The following ADAMTS18 variants were observed in gnomAD, a reference collection of about 807,000 sequenced individuals.
ADAMTS18 encodes the protein ADAM metallopeptidase with thrombospondin type 1 motif 18, also known as A disintegrin and metalloproteinase with thrombospondin motifs 18.
A neutral mutation model predicts 165.9 loss-of-function variants in ADAMTS18; 157 were observed. That is an observed-to-expected ratio of 0.95 (90% CI 0.83 to 1.08). The LOEUF is 1.08. ADAMTS18 is among the 50% of genes least tolerant of loss of function. The pLI, the probability that ADAMTS18 is intolerant of heterozygous loss-of-function variation, is 0.00. For missense variants in ADAMTS18, 2,040 were observed against 1,534.0 expected, an observed-to-expected ratio of 1.33 and a Z score of -5.51; for synonymous variants, 782 against 578.2, an observed-to-expected ratio of 1.35 and a Z score of -5.06.
intron 3 of ADAMTS18, among the ~76,000 whole-genome samples, chr16:77,381,591 C>T (rs1336924580): frequency 5.9e-5 from 9 of 152,094 alleles, no homozygotes. Context: ...ATCACGAGGT[C>T]AGAAGTTCGA....
At chr16:77,325,727 A>C in intron 13 of ADAMTS18, 139 bp downstream of exon 13, 1 of 867,926 alleles carries the variant, frequency 1.2e-6, no homozygotes, top group Non-Finnish European at 1.7e-6. Context: ...CATGGAATGA[A>C]ACACTGAGCC....
At chr16:77,388,194 G>T (rs1032611813) in intron 3 of ADAMTS18, among the ~76,000 whole-genome samples, 1 of 152,284 alleles carries the variant, frequency 6.6e-6, no homozygotes, top group East Asian at 1.9e-4. Context: ...CCGCCTCCTG[G>T]GTTCAAGTGA....
At chr16:77,399,113 G>C (rs1211068082) in intron 3 of ADAMTS18, among the ~76,000 whole-genome samples, 1 of 152,186 alleles carries the variant, frequency 6.6e-6, no homozygotes, top group Non-Finnish European at 1.5e-5. Context: ...GATTCAGCTA[G>C]AAGCTAGACC....
At chr16:77,355,819 G>A in intron 9 of ADAMTS18, 121 bp downstream of exon 9, 1 of 1,177,732 alleles carries the variant, frequency 8.5e-7, no homozygotes, top group Non-Finnish European at 1.3e-6. Context: ...ATCATCATTT[G>A]TCTTTCTGTT....
intron 16 of ADAMTS18, among the ~76,000 whole-genome samples, chr16:77,317,102 A>C (rs2055900573): frequency 6.6e-6 from 1 of 152,130 alleles, no homozygotes; most frequent in African/African-American, 2.4e-5. Flanking sequence ...TAATTCAAAA[A>C]GTCTGTTTTT....
At chr16:77,415,603 C>A (rs2057520058) in intron 3 of ADAMTS18, among the ~76,000 whole-genome samples, 1 of 151,344 alleles carries the variant, frequency 6.6e-6, no homozygotes, top group African/African-American at 2.4e-5. Context: ...TCTGACTAGT[C>A]AGTATGTAAA....
intron 3 of ADAMTS18, among the ~76,000 whole-genome samples, chr16:77,388,290 G>C (rs1300256748): frequency 2.6e-5 from 4 of 152,062 alleles, no homozygotes; most frequent in South Asian, 2.1e-4. Context: ...ATTGGAGATG[G>C]GGTTTCACCA....
In ADAMTS18 at chr16:77,407,899, C is replaced by A. The variant is rs369812633; in HGVS notation, c.495+23396G>T. ...AAGAAAGCATTTTAATACAGGAAGC[C>A]AGAGACTGATAAATTGCGAGAAATT... On this transcript the variant is annotated intron_variant, in intron 3 of 22. Coordinates refer to ENST00000282849, the MANE Select transcript of ADAMTS18 (RefSeq NM_199355.4). Among the ~76,000 whole-genome samples, 6 of 151,882 alleles carry A rather than the reference C, an allele frequency of 4.0e-5. 1 individual carries two copies. Among genetic ancestry groups the A allele is most frequent in the African/African-American group, 1.2e-4 (5 of 41,410 alleles).
intron 3 of ADAMTS18, among the ~76,000 whole-genome samples, chr16:77,410,345 A>T (rs1203101052): frequency 4.8e-4 from 73 of 152,096 alleles, no homozygotes; most frequent in Non-Finnish European, 4.4e-5. Flanking sequence ...ATGTATGACT[A>T]GGCCTCATCT....
intron 8 of ADAMTS18, among the ~76,000 whole-genome samples, chr16:77,356,597 C>G (rs2056634165): frequency 6.6e-6 from 1 of 151,694 alleles, no homozygotes; most frequent in South Asian, 2.1e-4. Context: ...ATCACAAACT[C>G]TAATTGTAAT....
intron 3 of ADAMTS18, among the ~76,000 whole-genome samples, chr16:77,386,396 G>A (rs907095416): frequency 2.2e-4 from 34 of 152,194 alleles, no homozygotes; most frequent in African/African-American, 8.0e-4. Context: ...GACTTCGACA[G>A]GTTTTGTTTG....
intron 12 of ADAMTS18, among the ~76,000 whole-genome samples, chr16:77,329,161 A>G (rs760174131): frequency 1.3e-5 from 2 of 151,936 alleles, no homozygotes; most frequent in Non-Finnish European, 2.9e-5. Flanking sequence ...GCTGGAGTGA[A>G]CTGGCACAAT....
chr16:77,308,392 A>T (rs1482251590), intron 16 of ADAMTS18, among the ~76,000 whole-genome samples: 2 of 152,098 alleles, frequency 1.3e-5, no homozygotes, highest in African/African-American at 4.8e-5. Flanking sequence ...CTTGATAGAG[A>T]ATGTGACTCA....
chr16:77,284,976 C>T (rs1364083662), intron 22 of ADAMTS18, among the ~76,000 whole-genome samples: 1 of 151,056 alleles, frequency 6.6e-6, no homozygotes, highest in African/African-American at 2.5e-5. Context: ...TTAAGTCAAT[C>T]TCAACCAGTT....
chr16:77,292,206 G>T (rs911323664), intron 20 of ADAMTS18, among the ~76,000 whole-genome samples: 1 of 152,162 alleles, frequency 6.6e-6, no homozygotes, highest in African/African-American at 2.4e-5. Flanking sequence ...GTCCGAGGCA[G>T]CAGATTACCT....
chr16:77,303,058 G>A (rs561706896), intron 16 of ADAMTS18, among the ~76,000 whole-genome samples: 1 of 152,120 alleles, frequency 6.6e-6, no homozygotes, highest in African/African-American at 2.4e-5. Context: ...CTCTGTGTCT[G>A]TATCCGTATC....
chr16:77,325,839 A>G (rs1336211835), intron 13 of ADAMTS18, 27 bp downstream of exon 13: 3 of 1,596,012 alleles, frequency 1.9e-6, no homozygotes, highest in African/African-American at 2.7e-5. Context: ...ATAGAGACTT[A>G]TTTGAATGTC....
chr16:77,410,012 T>C (rs1597240168), intron 3 of ADAMTS18, among the ~76,000 whole-genome samples: 1 of 152,170 alleles, frequency 6.6e-6, no homozygotes, highest in East Asian at 1.9e-4. Flanking sequence ...TAGGACTGTA[T>C]AGATCTATTA....
At chr16:77,319,170 A>ACC (rs2055942106) in intron 16 of ADAMTS18, among the ~76,000 whole-genome samples, 1 of 152,068 alleles carries the variant, frequency 6.6e-6, no homozygotes, top group African/African-American at 2.4e-5. Flanking sequence ...TCTACTATTA[A>ACC]CCCCTTCTCC....
Sources: gnomAD v4.1 joint callset for allele counts (sites outside exome capture counted in the v4.1 genomes callset) on GRCh38, gnomAD v4.1.1 for gene constraint, MANE v1.5 for transcripts, NCBI Gene and HGNC (gene_info 2026-07-23, HGNC 2026-07-21) for gene names.